CLSTN2: variants seen among roughly 807,000 people sequenced by gnomAD.
The protein encoded by CLSTN2 is calsyntenin 2, also known as calsyntenin-2.
Under a neutral mutation model 101.2 loss-of-function variants are expected in CLSTN2, and 48 were observed. The ratio of observed to expected loss-of-function variants is 0.47; its 90% CI spans 0.38 to 0.60. CLSTN2 has a LOEUF of 0.60. Ranked by LOEUF, CLSTN2 falls within the 20% of genes least tolerant of loss-of-function variation. CLSTN2 has a pLI of 0.00. For missense variants in CLSTN2, 1,160 were observed against 1,238.2 expected, an observed-to-expected ratio of 0.94 and a Z score of 0.95; for synonymous variants, 481 against 463.6, an observed-to-expected ratio of 1.04 and a Z score of -0.48.
At chr3:140,503,593 G>C (rs1934625102) in intron 8 of CLSTN2, among the ~76,000 whole-genome samples, 1 of 151,876 alleles carries the variant, frequency 6.6e-6, no homozygotes, top group Admixed American at 6.5e-5. Context: ...ATGCATGACT[G>C]TAACATATTC....
chr3:140,014,780 G>A (rs1370121430), intron 1 of CLSTN2, among the ~76,000 whole-genome samples: 2 of 152,196 alleles, frequency 1.3e-5, no homozygotes, highest in Non-Finnish European at 2.9e-5. Context: ...GAGTGTGCAG[G>A]AGGATGGGAG....
intron 2 of CLSTN2, among the ~76,000 whole-genome samples, chr3:140,279,185 A>G (rs1204925157): frequency 6.6e-6 from 1 of 152,186 alleles, no homozygotes; most frequent in Non-Finnish European, 1.5e-5. Flanking sequence ...CATCCTATGC[A>G]GGACTTCCCT....
chr3:140,309,359 G>T (rs1576509271), intron 2 of CLSTN2, among the ~76,000 whole-genome samples: 1 of 152,276 alleles, frequency 6.6e-6, no homozygotes, highest in Non-Finnish European at 1.5e-5. Context: ...TGGCCTACCT[G>T]CTGATCCTCC....
At chr3:139,981,471 G>T (rs948663071) in intron 1 of CLSTN2, among the ~76,000 whole-genome samples, 1 of 152,178 alleles carries the variant, frequency 6.6e-6, no homozygotes, top group South Asian at 2.1e-4. Context: ...CTTCAAGATG[G>T]CTATGCCAAG....
At chr3:140,421,329 G>T (rs2088504017) in intron 5 of CLSTN2, 55 bp downstream of exon 5, 3 of 1,592,672 alleles carry the variant, frequency 1.9e-6, no homozygotes, top group Non-Finnish European at 1.7e-6. Flanking sequence ...TGTATAGAAG[G>T]TGGTGTACTT....
At chr3:140,035,940 T>C (rs1352026833) in intron 1 of CLSTN2, among the ~76,000 whole-genome samples, 1 of 152,226 alleles carries the variant, frequency 6.6e-6, no homozygotes, top group Admixed American at 6.5e-5. Context: ...TCCCAGTTGC[T>C]CGGGTAACAT....
chr3:139,996,499 G>C (rs1214771635), intron 1 of CLSTN2, among the ~76,000 whole-genome samples: 1 of 150,968 alleles, frequency 6.6e-6, no homozygotes, highest in Non-Finnish European at 1.5e-5. Flanking sequence ...ATGCCATTCT[G>C]CCTCAGCCTC....
chr3:140,354,162 C>T (rs908404091), intron 2 of CLSTN2, among the ~76,000 whole-genome samples: 1 of 152,090 alleles, frequency 6.6e-6, no homozygotes, highest in African/African-American at 2.4e-5. Flanking sequence ...GTATGAAAGA[C>T]CCTTCTGAAA....
intron 2 of CLSTN2, among the ~76,000 whole-genome samples, chr3:140,371,050 C>A (rs1368520653): frequency 6.6e-6 from 1 of 152,198 alleles, no homozygotes; most frequent in Non-Finnish European, 1.5e-5. Flanking sequence ...AAAACAACAC[C>A]TTTTGCTGTC....
chr3:140,312,934 A>G (rs2087186013), intron 2 of CLSTN2, among the ~76,000 whole-genome samples: 1 of 152,234 alleles, frequency 6.6e-6, no homozygotes, highest in Non-Finnish European at 1.5e-5. Context: ...CCGAATCCTG[A>G]ACAATTTCTA....
At chr3:140,387,322 A>G (rs1237277623) in intron 2 of CLSTN2, among the ~76,000 whole-genome samples, 1 of 152,176 alleles carries the variant, frequency 6.6e-6, no homozygotes, top group Non-Finnish European at 1.5e-5. Context: ...TCTGGTAGCT[A>G]TAAGAGAGAA....
At chr3:140,411,104 T>C (rs1371338285) in intron 4 of CLSTN2, among the ~76,000 whole-genome samples, 1 of 152,190 alleles carries the variant, frequency 6.6e-6, no homozygotes, top group African/African-American at 2.4e-5. Context: ...TTACTTTAAA[T>C]GTAAATGGAC....
At chr3:140,427,296 T>C (rs2088583287) in intron 5 of CLSTN2, among the ~76,000 whole-genome samples, 1 of 146,540 alleles carries the variant, frequency 6.8e-6, no homozygotes, top group Non-Finnish European at 1.5e-5. Context: ...GTTTGAGAAA[T>C]AGTAGATAGA....
intron 2 of CLSTN2, among the ~76,000 whole-genome samples, chr3:140,177,496 T>G (rs1559799187): frequency 6.6e-6 from 1 of 151,992 alleles, no homozygotes; most frequent in Non-Finnish European, 1.5e-5. Flanking sequence ...ATTATGCACT[T>G]AAAAAAATAG....
chr3:140,320,137 C>T (rs1402086271), intron 2 of CLSTN2, among the ~76,000 whole-genome samples: 2 of 152,198 alleles, frequency 1.3e-5, no homozygotes, highest in East Asian at 3.9e-4. Context: ...CCCTTGTGCT[C>T]AGGTTACCTT....
intron 2 of CLSTN2, among the ~76,000 whole-genome samples, chr3:140,225,963 G>T (rs1051443957): frequency 1.1e-4 from 17 of 151,814 alleles, no homozygotes; most frequent in Non-Finnish European, 2.9e-5. Flanking sequence ...CTATAATATT[G>T]CTGGGGATTT....
chr3:139,945,613 G>A (rs115599364), intron 1 of CLSTN2, among the ~76,000 whole-genome samples: 2,055 of 152,272 alleles, frequency 0.013, 33 homozygotes, highest in African/African-American at 0.047. Flanking sequence ...AAAAAATGCA[G>A]CAGTTGCAGG....
At chr3:140,463,181 T>A (rs1933603089) in intron 7 of CLSTN2, among the ~76,000 whole-genome samples, 1 of 152,202 alleles carries the variant, frequency 6.6e-6, no homozygotes, top group African/African-American at 2.4e-5. Context: ...CTTGTCGCAG[T>A]AATCAATCCC....
At chr3:140,170,000 T>A (rs1159784353) in intron 1 of CLSTN2, among the ~76,000 whole-genome samples, 1 of 152,316 alleles carries the variant, frequency 6.6e-6, no homozygotes, top group Non-Finnish European at 1.5e-5. Context: ...TATAACATAA[T>A]TGAGCTCAGA....
Sources: gnomAD v4.1 joint callset for allele counts (sites outside exome capture counted in the v4.1 genomes callset) on GRCh38, gnomAD v4.1.1 for gene constraint, MANE v1.5 for transcripts, NCBI Gene and HGNC (gene_info 2026-07-23, HGNC 2026-07-21) for gene names.